TACC2: variants seen among roughly 807,000 people sequenced by gnomAD.
The protein encoded by TACC2 is transforming acidic coiled-coil-containing protein 2.
Under a neutral mutation model 227.3 loss-of-function variants are expected in TACC2, and 137 were observed. The ratio of observed to expected loss-of-function variants is 0.60; its 90% CI spans 0.52 to 0.69. The LOEUF (loss-of-function observed/expected upper bound fraction) is 0.69, where lower values mean the gene tolerates loss of function less well. Ranked by LOEUF, TACC2 falls within the 30% of genes least tolerant of loss-of-function variation. The probability of loss-of-function intolerance (pLI) is 0.00; values close to 1 mark genes in which losing one functional copy is unlikely to be tolerated. For missense variants in TACC2, 3,470 were observed against 3,694.4 expected (o/e 0.94, Z 1.57); for synonymous variants, 1,523 against 1,487.5 (o/e 1.02, Z -0.55).
At chr10:122,192,281 C>T (rs200542948) in intron 7 of TACC2, among the ~76,000 whole-genome samples, 2 of 152,322 alleles carry the variant, frequency 1.3e-5, no homozygotes, top group East Asian at 3.9e-4. Context: ...ACAGGGCGAT[C>T]GTGAACGGCG....
chr10:122,165,036 T>A (rs144383639), intron 7 of TACC2, among the ~76,000 whole-genome samples: 41 of 152,272 alleles, frequency 2.7e-4, no homozygotes, highest in African/African-American at 8.2e-4. Flanking sequence ...CTGAGCCTCG[T>A]GGTTTTCTGG....
intron 7 of TACC2, among the ~76,000 whole-genome samples, chr10:122,176,093 CTCTCTCTCTCTCTCTCTCTCTCTCTA>C (rs1247786007): frequency 7.7e-4 from 66 of 85,710 alleles, no homozygotes; most frequent in East Asian, 4.4e-3. Flanking sequence ...CTCTCTCTCT[CTCTCTCTCTCTCTCTCTCTCTCTCTA>C]TATATATATA....
chr10:122,013,477 C>T (rs1438296303), intron 1 of TACC2, among the ~76,000 whole-genome samples: 1 of 152,192 alleles, frequency 6.6e-6, no homozygotes, highest in Non-Finnish European at 1.5e-5. Flanking sequence ...GGAGTTAGAG[C>T]ACTGAATTCA....
intron 7 of TACC2, among the ~76,000 whole-genome samples, chr10:122,165,705 A>T (rs2093121287): frequency 6.6e-6 from 1 of 152,174 alleles, no homozygotes; most frequent in South Asian, 2.1e-4. Context: ...CTCTCCCTAG[A>T]ACTGCTGCCT....
intron 7 of TACC2, among the ~76,000 whole-genome samples, chr10:122,170,445 A>G (rs2093415356): frequency 6.6e-6 from 1 of 151,590 alleles, no homozygotes; most frequent in Non-Finnish European, 1.5e-5. Context: ...TAATTTTTGT[A>G]TTTTTAGTAG....
At chr10:122,217,063 T>A (rs2095420624) in intron 11 of TACC2, 3 of 756,224 alleles carry the variant, frequency 4.0e-6, no homozygotes. Context: ...CACGGTGCCC[T>A]CTAACTCCAC....
At chr10:122,037,090 C>G (rs1217157685) in intron 2 of TACC2, among the ~76,000 whole-genome samples, 1 of 152,148 alleles carries the variant, frequency 6.6e-6, no homozygotes, top group East Asian at 1.9e-4. Context: ...GAGACAGCCA[C>G]ATAAGGTTCT....
chr10:122,215,575 T>C (rs2095386772), intron 10 of TACC2, 124 bp downstream of exon 10: 1 of 807,598 alleles, frequency 1.2e-6, no homozygotes, highest in African/African-American at 1.7e-5. Context: ...TCTTGCATTC[T>C]GTGTGGAGGG....
rs781285766 is a variant in TACC2, at chr10:122,230,336, A to G, written c.8038-15A>G. 10 of 1,611,652 alleles carry G rather than the reference A, an allele frequency of 6.2e-6. No homozygotes were observed. In the South Asian group the frequency reaches 8.8e-5, roughly 14 times the overall value. ...ATGCATTTCCCTGCGGTTTGCCCAC[A>G]CTCCCTGTGGGCAGGAGGAGTTAGA... On this transcript the variant is annotated splice_polypyrimidine_tract_variant and intron_variant, in intron 15 of 22. Transcript: ENST00000369005.
intron 5 of TACC2, among the ~76,000 whole-genome samples, chr10:122,089,568 T>C (rs1345670154): frequency 6.6e-6 from 1 of 152,264 alleles, no homozygotes; most frequent in Non-Finnish European, 1.5e-5. Context: ...GGTGATATTG[T>C]GCACGTACAC....
chr10:122,120,666 C>A (rs1334468930), intron 5 of TACC2, among the ~76,000 whole-genome samples: 2 of 152,186 alleles, frequency 1.3e-5, no homozygotes, highest in African/African-American at 4.8e-5. Flanking sequence ...TCACATTGCT[C>A]ACAGTGATGA....
intron 6 of TACC2, among the ~76,000 whole-genome samples, chr10:122,143,084 G>C (rs766534471): frequency 6.6e-6 from 1 of 152,168 alleles, no homozygotes; most frequent in East Asian, 1.9e-4. Context: ...AACTGGTCCC[G>C]GGGCAGGTTC....
In TACC2 at chr10:122,087,226, G is replaced by A; in HGVS notation, c.4726G>A (p.Ala1576Thr). The A allele has an allele frequency of 1.2e-6, 2 of 1,613,330 alleles. No individual in the cohort carries two copies. Among genetic ancestry groups the A allele is most frequent in the South Asian group, 1.1e-5 (1 of 91,054 alleles). ...GGAGCTCCCTGTGGAGAGAGCTGCT[G>A]CCTTCCAGGTGGCTCCCCATAGCCA... is the stretch of plus-strand genomic sequence containing the variant. ...TQELPVERAAAFQVAPHSHGE... is the reference protein window; with the variant it reads ...TQELPVERAATFQVAPHSHGE... The change falls in exon 4 of 23, where the codon GCC becomes ACC. Residue 1576 changes from alanine (A) to threonine (T), a missense_variant. Ala to Thr is a moderately conservative substitution (Grantham distance 58, BLOSUM62 0). Coordinates refer to ENST00000369005, the MANE Select transcript of TACC2 (RefSeq NM_206862.4).
At chr10:122,214,964 T>A (rs1346912518) in intron 9 of TACC2, among the ~76,000 whole-genome samples, 2 of 152,080 alleles carry the variant, frequency 1.3e-5, no homozygotes, top group Non-Finnish European at 2.9e-5. Flanking sequence ...AGTTGTTCAT[T>A]AAGTGAGGTG....
At chr10:122,053,331 C>T (rs1163693022) in intron 3 of TACC2, among the ~76,000 whole-genome samples, 1 of 152,090 alleles carries the variant, frequency 6.6e-6, no homozygotes, top group Admixed American at 6.6e-5. Context: ...GACCCACTCC[C>T]TATCATGAGA....
chr10:122,028,092 T>TTA (rs1357890932), intron 2 of TACC2, among the ~76,000 whole-genome samples: 8 of 124,578 alleles, frequency 6.4e-5, no homozygotes, highest in East Asian at 2.4e-4. Context: ...TTCTTTTTTT[T>TTA]TTTTTTTTTT....
chr10:122,111,069 C>A (rs141965029), intron 5 of TACC2, among the ~76,000 whole-genome samples: 14 of 152,304 alleles, frequency 9.2e-5, no homozygotes, highest in African/African-American at 3.4e-4. Context: ...CTTTCTCTGA[C>A]TCTCTTCTTC....
In TACC2 at chr10:122,090,213, A is replaced by G. The variant is rs1186465558; in HGVS notation, c.5573+1622A>G. Among the ~76,000 whole-genome samples the G allele has an allele frequency of 2.0e-5, 3 of 152,194 alleles. No homozygotes were observed. The East Asian group carries it at 5.8e-4, about 29-fold the overall frequency. On this transcript the variant is annotated intron_variant, in intron 5 of 22. Coordinates refer to ENST00000369005, the MANE Select transcript of TACC2 (RefSeq NM_206862.4). ...TAAAATTTATAAATTAGTATTATAA[A>G]TTATAGTTTTTTCCAGAATACTTGT...
At chr10:122,214,304 CTG>C (rs902030996) in intron 9 of TACC2, among the ~76,000 whole-genome samples, 35 of 152,242 alleles carry the variant, frequency 2.3e-4, no homozygotes, top group African/African-American at 7.5e-4. Flanking sequence ...TGCGATTGCA[CTG>C]TTTTAATGGC....
Sources: gnomAD v4.1 joint callset for allele counts (sites outside exome capture counted in the v4.1 genomes callset) on GRCh38, gnomAD v4.1.1 for gene constraint, MANE v1.5 for transcripts, NCBI Gene and HGNC (gene_info 2026-07-23, HGNC 2026-07-21) for gene names.